Variants in NPFFR2 observed in about 807,000 individuals in gnomAD.
NPFFR2 encodes the protein neuropeptide FF receptor 2, also known as G-protein coupled receptor 74.
NPFFR2 carries 15 observed loss-of-function variants against 13.1 expected under a neutral mutation model. The observed-to-expected ratio is 1.15, with a 90% CI of 0.77 to 1.76. The LOEUF (loss-of-function observed/expected upper bound fraction) is 1.76, where lower values mean the gene tolerates loss of function less well. Among genes scored for constraint, NPFFR2 ranks in the 40% most tolerant of loss-of-function variants. NPFFR2 has a pLI of 0.00. For synonymous variants in NPFFR2, 190 were observed against 175.7 expected, an observed-to-expected ratio of 1.08 and a Z score of -0.65; for missense variants, 572 against 503.5, an observed-to-expected ratio of 1.14 and a Z score of -1.30.
chr4:72,091,586 A>G (rs539248717), intron 1 of NPFFR2, among the ~76,000 whole-genome samples: 1 of 152,204 alleles, frequency 6.6e-6, no homozygotes, highest in African/African-American at 2.4e-5. Flanking sequence ...CCAAGAATTT[A>G]TCCATCTCCT....
At chr4:72,107,686 GA>G (rs928025415) in intron 1 of NPFFR2, among the ~76,000 whole-genome samples, 1 of 151,948 alleles carries the variant, frequency 6.6e-6, no homozygotes, top group Non-Finnish European at 1.5e-5. Flanking sequence ...GGGTAAGGTA[GA>G]ATGGGAGTGG....
chr4:72,114,482 T>C (rs976243432), intron 1 of NPFFR2, among the ~76,000 whole-genome samples: 2 of 152,174 alleles, frequency 1.3e-5, no homozygotes, highest in East Asian at 3.9e-4. Context: ...TGTGAAAATA[T>C]GAAGCTTTCT....
At chr4:72,038,905 C>CTTTTTTTTTTTTTTTTTTTT (rs1158358179) in intron 1 of NPFFR2, among the ~76,000 whole-genome samples, 1 of 84,734 alleles carries the variant, frequency 1.2e-5, no homozygotes, top group Non-Finnish European at 2.1e-5. Context: ...AATTTCCTTT[C>CTTTTTTTTTTTTTTTTTTTT]TTTTTTTTTT....
At chr4:72,064,885 C>T (rs4345144) in intron 1 of NPFFR2, among the ~76,000 whole-genome samples, 133,717 of 152,144 alleles carry the variant, frequency 0.88, 60,164 homozygotes, top group Non-Finnish European at 0.98. Context: ...AGAAGAGCTT[C>T]GAATGCCCAC....
intron 1 of NPFFR2, among the ~76,000 whole-genome samples, chr4:72,127,042 C>T (rs551590669): frequency 9.2e-5 from 14 of 152,074 alleles, no homozygotes; most frequent in Admixed American, 5.2e-4. Flanking sequence ...GTGGCTCACG[C>T]CTGTAATCCC....
chr4:72,104,568 A>G (rs1181669422), intron 1 of NPFFR2, among the ~76,000 whole-genome samples: 2 of 152,076 alleles, frequency 1.3e-5, no homozygotes, highest in Non-Finnish European at 2.9e-5. Context: ...CCCAAAGCAT[A>G]TATAGCTAAG....
chr4:72,132,939 G>A lies in NPFFR2; in HGVS notation c.328+4020G>A, dbSNP rs899027680. On this transcript the variant is annotated intron_variant, in intron 2 of 3. Transcript: ENST00000308744. ...GTTTGCAAAAATTTTCTCTCAGTAT[G>A]TAGGTTGTCTCTTTACTCTGTTGAT... is the stretch of plus-strand genomic sequence containing the variant. 2.0e-5 allele frequency among the ~76,000 whole-genome samples: 3 copies of A among 152,278 alleles called. No homozygotes were observed. The South Asian group carries it at 6.2e-4, about 32-fold the overall frequency.
At chr4:72,141,792 G>A (rs940079689) in intron 3 of NPFFR2, among the ~76,000 whole-genome samples, 1 of 152,210 alleles carries the variant, frequency 6.6e-6, no homozygotes, top group African/African-American at 2.4e-5. Context: ...GTTGCGAGCT[G>A]AGTTCAAGTC....
chr4:72,127,730 C>G (rs552948978), intron 1 of NPFFR2, among the ~76,000 whole-genome samples: 1 of 152,014 alleles, frequency 6.6e-6, no homozygotes, highest in East Asian at 2.0e-4. Context: ...AGTAACCTAG[C>G]CCTATATTAA....
intron 1 of NPFFR2, among the ~76,000 whole-genome samples, chr4:72,071,603 A>G (rs1411777963): frequency 1.3e-5 from 2 of 152,150 alleles, no homozygotes; most frequent in Non-Finnish European, 2.9e-5. Flanking sequence ...CTCTTGGCAC[A>G]AAACCATCCA....
intron 1 of NPFFR2, among the ~76,000 whole-genome samples, chr4:72,077,569 A>T (rs985814384): frequency 3.3e-5 from 5 of 152,250 alleles, no homozygotes; most frequent in African/African-American, 1.2e-4. Context: ...AAACAGGTTG[A>T]TTATTAATTA....
At chr4:72,102,623 GTGTT>G (rs1429290912) in intron 1 of NPFFR2, among the ~76,000 whole-genome samples, 8 of 149,350 alleles carry the variant, frequency 5.4e-5, no homozygotes, top group African/African-American at 1.5e-4. Context: ...AGAATATGCG[GTGTT>G]TGTTTTTTTG....
intron 1 of NPFFR2, among the ~76,000 whole-genome samples, chr4:72,111,258 T>C (rs1358072924): frequency 1.3e-5 from 2 of 152,164 alleles, no homozygotes; most frequent in African/African-American, 4.8e-5. Context: ...TTATCAATTG[T>C]GCAGGCAAAT....
intron 1 of NPFFR2, among the ~76,000 whole-genome samples, chr4:72,065,504 A>G (rs914226043): frequency 8.6e-5 from 13 of 152,014 alleles, no homozygotes; most frequent in African/African-American, 3.1e-4. Context: ...TTTAAAAGAA[A>G]CTCCTGATCA....
Position 72,148,008 on chromosome 4 carries a change from C to T in NPFFR2, c.*196C>T, listed in dbSNP as rs763100400. The stretch of plus-strand genomic sequence containing the variant: ...AACAATCTTATGTTGTATAAAAATA[C>T]GTAGAGTGACTTAGACATGTTTGCA... On this transcript the variant is annotated 3_prime_UTR_variant, in exon 4 of 4. Coordinates refer to ENST00000308744, the MANE Select transcript of NPFFR2 (RefSeq NM_004885.3). 7.6e-5 allele frequency: 37 copies of T among 489,968 alleles called. No homozygotes were observed. The highest frequency in any genetic ancestry group is 1.9e-4 in the Admixed American group (5 of 26,008). The allele number at this position is 489,968 out of a possible 1,614,324, so 30.4% of individuals were successfully genotyped here.
intron 1 of NPFFR2, among the ~76,000 whole-genome samples, chr4:72,126,111 A>G (rs1722037074): frequency 6.6e-6 from 1 of 152,254 alleles, no homozygotes; most frequent in Non-Finnish European, 1.5e-5. Context: ...CTGATGTTGA[A>G]TTCTCATGCA....
chr4:72,075,976 TACACACACACACAC>T (rs1025719017), intron 1 of NPFFR2, among the ~76,000 whole-genome samples: 5 of 83,170 alleles, frequency 6.0e-5, no homozygotes, highest in African/African-American at 2.3e-4. Context: ...CACACACACA[TACACACACACACAC>T]ACACACACAC....
intron 1 of NPFFR2, among the ~76,000 whole-genome samples, chr4:72,123,119 T>G (rs1218806253): frequency 6.6e-6 from 1 of 152,108 alleles, no homozygotes; most frequent in African/African-American, 2.4e-5. Context: ...TAAACTACCA[T>G]CAGAATACTA....
chr4:72,064,917 C>A, intron 1 of NPFFR2, among the ~76,000 whole-genome samples: 1 of 150,976 alleles, frequency 6.6e-6, no homozygotes, highest in East Asian at 1.9e-4. Flanking sequence ...TTGTTTCTTA[C>A]TTCTTCTACA....
Sources: gnomAD v4.1 joint callset for allele counts (sites outside exome capture counted in the v4.1 genomes callset) on GRCh38, gnomAD v4.1.1 for gene constraint, MANE v1.5 for transcripts, NCBI Gene and HGNC (gene_info 2026-07-23, HGNC 2026-07-21) for gene names.